TRPM2: variants seen among roughly 807,000 people sequenced by gnomAD.
TRPM2 encodes transient receptor potential cation channel subfamily M member 2.
TRPM2 carries 161 observed loss-of-function variants against 174.0 expected under a neutral mutation model. The observed-to-expected ratio is 0.93, with a 90% CI of 0.81 to 1.05. The LOEUF (loss-of-function observed/expected upper bound fraction) is 1.05, where lower values mean the gene tolerates loss of function less well. Ranked by LOEUF, TRPM2 falls within the 50% of genes least tolerant of loss-of-function variation. The pLI is 0.00. For synonymous variants in TRPM2, 954 were observed against 861.3 expected (o/e 1.11, Z -1.88); for missense variants, 2,057 against 2,038.0 (o/e 1.01, Z -0.18).
chr21:44,369,066 C>A, intron 4 of TRPM2, 111 bp from the exon 5 acceptor site: 1 of 1,187,014 alleles, frequency 8.4e-7, no homozygotes, highest in Non-Finnish European at 1.1e-6. Context: ...AGGAGCTCTG[C>A]GTTGTTGGGG....
At chr21:44,430,088 G>C (rs182158110) in intron 27 of TRPM2, among the ~76,000 whole-genome samples, 3 of 152,060 alleles carry the variant, frequency 2.0e-5, no homozygotes, top group Non-Finnish European at 4.4e-5. Context: ...CTTTAGTGTT[G>C]AGCCATCCTT....
At chr21:44,387,454 G>A (rs2049046076) in intron 9 of TRPM2, among the ~76,000 whole-genome samples, 1 of 152,280 alleles carries the variant, frequency 6.6e-6, no homozygotes, top group African/African-American at 2.4e-5. Context: ...TTAGAAGAAA[G>A]CACAGGGCAA....
chr21:44,405,125 GC>G lies in TRPM2; in HGVS notation c.2539-13del. 6.2e-7 allele frequency: 1 copy of G among 1,612,102 alleles called. No homozygotes were observed. The highest frequency in any genetic ancestry group is 1.3e-5 in the African/African-American group (1 of 75,034). Reference sequence around the variant, plus strand: ...GTGACAACCTGTCTGCCTTCCTACCGCCCCTCTTCCCAGTAGCTCTTCTATG... The same window carrying G: ...GTGACAACCTGTCTGCCTTCCTACCGCCCTCTTCCCAGTAGCTCTTCTATG... On this transcript the variant is annotated splice_polypyrimidine_tract_variant and intron_variant, in intron 16 of 31. Coordinates refer to ENST00000397928, the MANE Select transcript of TRPM2 (RefSeq NM_003307.4).
In TRPM2 at chr21:44,405,201, C is replaced by G; in HGVS notation, c.2598C>G (p.Asp866Glu). 1 of 1,613,516 alleles carries G rather than the reference C, an allele frequency of 6.2e-7. No individual in the cohort carries two copies. The highest frequency in any genetic ancestry group is 8.5e-7 in the Non-Finnish European group (1 of 1,179,964). ...AGAAGGCAGCCTTGTACTTCAGTGACTTCTGGAATAAGCTGGACGTCGGCG... is the reference window on the plus strand; with the variant it reads ...AGAAGGCAGCCTTGTACTTCAGTGAGTTCTGGAATAAGCTGGACGTCGGCG... ...LMKKAALYFS[D>E]FWNKLDVGAI... The change falls in exon 17 of 32, where the codon GAC becomes GAG. Residue 866 changes from aspartate (D) to glutamate (E), a missense_variant. Transcript: ENST00000397928.
intron 27 of TRPM2, among the ~76,000 whole-genome samples, chr21:44,434,252 G>C (rs2051142162): frequency 6.6e-6 from 1 of 151,872 alleles, no homozygotes; most frequent in African/African-American, 2.4e-5. Context: ...GGTGGGGACG[G>C]TGGCGGGGAC....
chr21:44,385,330 T>C (rs75383919), intron 9 of TRPM2, among the ~76,000 whole-genome samples: 1,902 of 152,316 alleles, frequency 0.012, 49 homozygotes, highest in African/African-American at 0.043. Context: ...GGTGAAAGAC[T>C]GGGACATAGC....
Position 44,366,999 on chromosome 21 carries a change from G to C in TRPM2, c.604+65G>C, listed in dbSNP as rs745867932. On this transcript the variant is annotated intron_variant, in intron 4 of 31. Coordinates refer to ENST00000397928, the MANE Select transcript of TRPM2 (RefSeq NM_003307.4). This position sits in a 1 kb window ranked among gnomAD's most constrained non-coding sequence, Gnocchi z 6.0. ...GGGGTGGGCTGTGGAGGCAGTGCTG[G>C]GGCAATCAGGGCCATCAGGACCCAA... 66 of 1,492,540 alleles carry C rather than the reference G, an allele frequency of 4.4e-5. No individual in the cohort carries two copies. Among genetic ancestry groups the C allele is most frequent in the Non-Finnish European group, 5.7e-5 (64 of 1,120,284 alleles). 92.5% of individuals were successfully genotyped at this position (1,492,540 alleles called of 1,614,324 possible). A position where few individuals can be genotyped will look rare whatever the true frequency, so the allele number is the denominator to read the frequency against.
chr21:44,398,863 T>A (rs1445460560), intron 13 of TRPM2, among the ~76,000 whole-genome samples: 1 of 152,210 alleles, frequency 6.6e-6, no homozygotes, highest in Admixed American at 6.5e-5. Context: ...TTGTGGCTAC[T>A]TTGTTAGTCT....
intron 13 of TRPM2, among the ~76,000 whole-genome samples, chr21:44,398,517 A>G (rs1255976475): frequency 1.3e-5 from 2 of 152,054 alleles, no homozygotes; most frequent in Non-Finnish European, 2.9e-5. Flanking sequence ...GGGTTTTTTA[A>G]GGATAATTTG....
chr21:44,389,131 A>G (rs1392540428), intron 9 of TRPM2, among the ~76,000 whole-genome samples: 2 of 152,098 alleles, frequency 1.3e-5, no homozygotes, highest in Non-Finnish European at 2.9e-5. Flanking sequence ...CTGTCACTCT[A>G]GATTAGTTTT....
At chr21:44,417,191 C>T (rs2847237) in intron 20 of TRPM2, among the ~76,000 whole-genome samples, 65,135 of 94,406 alleles carry the variant, frequency 0.69, 22,959 homozygotes, top group East Asian at 0.77. Context: ...ACAGTGGGCA[C>T]GTGGGCGTGG....
At position 44,366,909 on chromosome 21, in the gene TRPM2, C is replaced by T. The variant is rs763600735; in HGVS notation, c.579C>T (p.Gly193=). The part of the protein sequence containing the change: ...KPRLKSIFRR[G]LVKVAQTTGA... ...GGCTGAAGAGCATTTTCCGCAGAGG[C>T]CTGGTCAAGGTGGCTCAGACCACAG... Residue 193 remains glycine (G), a synonymous_variant, in exon 4 of 32, where the codon GGC becomes GGT. Coordinates refer to ENST00000397928, the MANE Select transcript of TRPM2 (RefSeq NM_003307.4). The surrounding 1 kb of genome is among the most constrained non-coding windows in gnomAD (Gnocchi z 6.0). 2 of 1,606,052 alleles carry T rather than the reference C, an allele frequency of 1.2e-6. No individual in the cohort carries two copies. Among genetic ancestry groups the T allele is most frequent in the Non-Finnish European group, 1.7e-6 (2 of 1,175,134 alleles).
upstream of TRPM2, among the ~76,000 whole-genome samples, chr21:44,351,858 G>C (rs926603379): frequency 2.0e-5 from 3 of 152,218 alleles, no homozygotes; most frequent in African/African-American, 7.2e-5. Flanking sequence ...GGGATTAGAG[G>C]AACCTGCACA....
chr21:44,401,576 A>G (rs1238232645), intron 15 of TRPM2, 105 bp from the exon 16 acceptor site: 2 of 1,203,156 alleles, frequency 1.7e-6, no homozygotes, highest in African/African-American at 3.0e-5. Flanking sequence ...CTCTAAAAGC[A>G]CATCTCTCTG....
rs1325591591 is a variant in TRPM2, at chr21:44,432,661, C to T, written c.3975-2470C>T. Among the ~76,000 whole-genome samples the T allele has an allele frequency of 1.3e-5, 2 of 152,144 alleles. No homozygotes were observed. Among genetic ancestry groups the T allele is most frequent in the Non-Finnish European group, 2.9e-5 (2 of 68,034 alleles). ...AACATAAACTAAACAAGCCCCTGCCCGCAAGTCCCTTCCTCTTTCGAATCC... is the reference window on the plus strand; with the variant it reads ...AACATAAACTAAACAAGCCCCTGCCTGCAAGTCCCTTCCTCTTTCGAATCC... On this transcript the variant is annotated intron_variant, in intron 27 of 31. Transcript: ENST00000397928. This position sits in a 1 kb window ranked among gnomAD's most constrained non-coding sequence, Gnocchi z 4.9.
chr21:44,364,926 C>G (rs905143517), intron 3 of TRPM2, among the ~76,000 whole-genome samples: 1 of 152,204 alleles, frequency 6.6e-6, no homozygotes, highest in South Asian at 2.1e-4. Flanking sequence ...ATTCTCAGGC[C>G]CCATCCCAGG....
At chr21:44,397,389 G>T (rs2049461613) in intron 12 of TRPM2, among the ~76,000 whole-genome samples, 1 of 152,164 alleles carries the variant, frequency 6.6e-6, no homozygotes, top group East Asian at 1.9e-4. Context: ...TGGTTCTGTG[G>T]TTATGTCCAG....
At chr21:44,422,039 G>T (rs548651978) in intron 22 of TRPM2, among the ~76,000 whole-genome samples, 1 of 152,240 alleles carries the variant, frequency 6.6e-6, no homozygotes, top group African/African-American at 2.4e-5. Context: ...TTGCTCATCC[G>T]CAGAGGGGCC....
At position 44,354,961 on chromosome 21, in the gene TRPM2, G is replaced by A. The variant is rs1390247093; in HGVS notation, c.254+225G>A. Among the ~76,000 whole-genome samples, 1 of 152,062 alleles carries A rather than the reference G, an allele frequency of 6.6e-6. No individual in the cohort carries two copies. Among genetic ancestry groups the A allele is most frequent in the Non-Finnish European group, 1.5e-5 (1 of 68,036 alleles). On this transcript the variant is annotated intron_variant, in intron 2 of 31. Transcript: ENST00000397928. The surrounding 1 kb of genome is among the most constrained non-coding windows in gnomAD (Gnocchi z 4.3). ...CTGCCTCGCAGGTGCAGGGACCAAAGTGCAGAGTTTAGGTGACTTGTTCAG... is the reference window on the plus strand; with the variant it reads ...CTGCCTCGCAGGTGCAGGGACCAAAATGCAGAGTTTAGGTGACTTGTTCAG...
Sources: gnomAD v4.1 joint callset for allele counts (sites outside exome capture counted in the v4.1 genomes callset) on GRCh38, gnomAD v4.1.1 for gene constraint, Gnocchi (gnomAD v3.1) non-coding constraint, MANE v1.5 for transcripts, NCBI Gene and HGNC (gene_info 2026-07-23, HGNC 2026-07-21) for gene names.